Variants in KANSL2 observed in about 807,000 individuals in gnomAD.
KANSL2 encodes the protein NSL complex protein NSL2.
KANSL2 carries 34 observed loss-of-function variants against 55.6 expected under a neutral mutation model. The ratio of observed to expected loss-of-function variants is 0.61; its 90% CI spans 0.46 to 0.81. The LOEUF is 0.81. Among genes scored for constraint, KANSL2 ranks in the 40% least tolerant of loss-of-function variants. The pLI is 0.00. For missense variants in KANSL2, 502 were observed against 609.9 expected, an observed-to-expected ratio of 0.82 and a Z score of 1.86; for synonymous variants, 209 against 214.3, an observed-to-expected ratio of 0.98 and a Z score of 0.22.
chr12:48,663,513 G>A (rs1335924496), intron 7 of KANSL2, among the ~76,000 whole-genome samples: 8 of 151,942 alleles, frequency 5.3e-5, no homozygotes, highest in East Asian at 3.8e-4. Context: ...CTACTTACAC[G>A]TGCATTTTCT....
intron 4 of KANSL2, among the ~76,000 whole-genome samples, chr12:48,672,334 T>C (rs189586202): frequency 1.5e-4 from 22 of 148,882 alleles, no homozygotes; most frequent in Non-Finnish European, 3.0e-4. Context: ...AGTGTTCAAT[T>C]AACATGTATC....
chr12:48,669,802 C>G (rs543545509), intron 5 of KANSL2, among the ~76,000 whole-genome samples: 1 of 152,224 alleles, frequency 6.6e-6, no homozygotes, highest in Non-Finnish European at 1.5e-5. Flanking sequence ...AGCCACCGCA[C>G]CCGGCCAAAG....
chr12:48,679,600 T>G (rs2137206204), intron 3 of KANSL2, 55 bp downstream of exon 3: 2 of 1,476,256 alleles, frequency 1.4e-6, no homozygotes, highest in East Asian at 2.3e-5. Flanking sequence ...TAACCCAAAA[T>G]AGTTCCCCCT....
rs917345490 is a variant in KANSL2 at position 48,672,047 on chromosome 12, T to C, written c.546-85A>G. On this transcript the variant is annotated intron_variant, in intron 4 of 9. Coordinates refer to ENST00000420613, the MANE Select transcript of KANSL2 (RefSeq NM_017822.4). ...GAAAGAGTAGAGATGTCAGACTAAG[T>C]TTGTTATTTAACAAGTGGTGACATA... is the stretch of plus-strand genomic sequence containing the variant. The C allele has an allele frequency of 5.9e-6, 7 of 1,193,546 alleles. No homozygotes were observed. In the Admixed American group the frequency reaches 9.1e-5, roughly 16 times the overall value. 73.9% of individuals were successfully genotyped at this position (1,193,546 alleles called of 1,614,324 possible).
chr12:48,656,611 A>AG, intron 8 of KANSL2: 1 of 125,844 alleles, frequency 7.9e-6, no homozygotes, highest in Non-Finnish European at 1.6e-5. Context: ...TTTGCTCTGT[A>AG]AAAAAAAAAA....
At chr12:48,664,747 G>T (rs534817155) in intron 7 of KANSL2, among the ~76,000 whole-genome samples, 1 of 149,914 alleles carries the variant, frequency 6.7e-6, no homozygotes, top group Non-Finnish European at 1.5e-5. Context: ...TGCCTGGCTA[G>T]TTTTTTTTGT....
At chr12:48,671,091 C>T (rs543065199) in intron 5 of KANSL2, among the ~76,000 whole-genome samples, 1 of 151,790 alleles carries the variant, frequency 6.6e-6, no homozygotes, top group Non-Finnish European at 1.5e-5. Flanking sequence ...ATGGCAAAAC[C>T]CCCCCTCTAC....
rs886350540 is a variant in KANSL2 at position 48,672,584 on chromosome 12, C to T, written c.546-622G>A. ...TAGCTGGGACTACAGGTGTGCACCA[C>T]CCCACTTGGTTAATTTTTGTATTTT... On this transcript the variant is annotated intron_variant, in intron 4 of 9. Coordinates refer to ENST00000420613, the MANE Select transcript of KANSL2 (RefSeq NM_017822.4). Among the ~76,000 whole-genome samples, 13 of 151,340 alleles carry T rather than the reference C, an allele frequency of 8.6e-5. 1 individual carries two copies. The East Asian group carries it at 2.5e-3, about 29-fold the overall frequency.
intron 4 of KANSL2, among the ~76,000 whole-genome samples, chr12:48,677,992 CG>C (rs1939855807): frequency 6.6e-6 from 1 of 152,006 alleles, no homozygotes; most frequent in Non-Finnish European, 1.5e-5. Flanking sequence ...CCCTAACATA[CG>C]GCCATACTAT....
intron 8 of KANSL2, among the ~76,000 whole-genome samples, chr12:48,657,805 C>A (rs1293892891): frequency 6.6e-6 from 1 of 152,116 alleles, no homozygotes; most frequent in Non-Finnish European, 1.5e-5. Flanking sequence ...TTGGTAGAGA[C>A]GGAGTTTCAC....
chr12:48,679,250 A>AAAAAC (rs1410942969), intron 3 of KANSL2, 100 bp from the exon 4 acceptor site: 2 of 849,566 alleles, frequency 2.4e-6, no homozygotes. Flanking sequence ...TTGAAATTTT[A>AAAAAC]AAAACAAAAC....
At chr12:48,668,687 G>A (rs766429097) in intron 6 of KANSL2, among the ~76,000 whole-genome samples, 5 of 152,048 alleles carry the variant, frequency 3.3e-5, no homozygotes, top group Non-Finnish European at 7.4e-5. Flanking sequence ...CAACAAGATT[G>A]AAACTCTGTC....
Position 48,655,018 on chromosome 12 carries a change from G to C in KANSL2, c.1270C>G (p.Pro424Ala), listed in dbSNP as rs760703824. The change falls in exon 9 of 10, where the codon CCT (proline) becomes GCT (alanine). Residue 424 changes from proline (P) to alanine (A), a missense_variant. Physicochemically the swap from Pro to Ala is conservative, Grantham distance 27 (BLOSUM62 -1). Coordinates refer to ENST00000420613, the MANE Select transcript of KANSL2 (RefSeq NM_017822.4). ...VGDGMQCPPS[P>A]LLFDPSLTLE... ...GTTAGTGAAGGATCAAAAAGCAAAGGTGAAGGAGGACACTGCATACCATCA... is the reference window on the plus strand; with the variant it reads ...GTTAGTGAAGGATCAAAAAGCAAAGCTGAAGGAGGACACTGCATACCATCA... 6.3e-7 allele frequency: 1 copy of C among 1,587,128 alleles called. No individual in the cohort carries two copies. The highest frequency in any genetic ancestry group is 1.2e-5 in the South Asian group (1 of 86,510).
intron 4 of KANSL2, 139 bp from the exon 5 acceptor site, chr12:48,672,101 T>C (rs553026966): frequency 3.4e-6 from 2 of 581,480 alleles, no homozygotes; most frequent in Non-Finnish European, 5.5e-6. Context: ...CAAAACATTG[T>C]ACCATTCAAG....
chr12:48,672,384 TATATACATGTA>T (rs1939732181), intron 4 of KANSL2, among the ~76,000 whole-genome samples: 1 of 142,580 alleles, frequency 7.0e-6, no homozygotes, highest in Non-Finnish European at 1.5e-5. Flanking sequence ...TACGTATATA[TATATACATGTA>T]TATATATATA....
Position 48,660,402 on chromosome 12 carries a change from AAGCTCAGC to A in KANSL2, c.1183_1190del (p.Ala395SerfsTer4). The stretch of plus-strand genomic sequence containing the variant: ...CCAGAGGTAAACTCTCAGTGGGCTG[AAGCTCAGC>A]AGCACTCAAGTACAGATCCATGGGG... On this transcript the variant is annotated frameshift_variant, in exon 8 of 10. Transcript: ENST00000420613. LOFTEE classifies it high-confidence loss of function. The A allele has an allele frequency of 6.2e-7, 1 of 1,613,984 alleles. No homozygotes were observed. The highest frequency in any genetic ancestry group is 8.5e-7 in the Non-Finnish European group (1 of 1,179,866).
chr12:48,673,645 G>A (rs1388538736), intron 4 of KANSL2, among the ~76,000 whole-genome samples: 10 of 151,598 alleles, frequency 6.6e-5, no homozygotes, highest in East Asian at 1.9e-4. Flanking sequence ...TCTGATTTAT[G>A]CAATCAAAAT....
chr12:48,674,369 C>G (rs1939782938), intron 4 of KANSL2, among the ~76,000 whole-genome samples: 1 of 152,110 alleles, frequency 6.6e-6, no homozygotes, highest in Non-Finnish European at 1.5e-5. Context: ...AGGCTGGTCT[C>G]AAACTCCTGA....
chr12:48,657,912 C>T (rs1443152477), intron 8 of KANSL2, among the ~76,000 whole-genome samples: 4 of 152,148 alleles, frequency 2.6e-5, no homozygotes, highest in East Asian at 3.9e-4. Context: ...CCACCGCACC[C>T]GGCCCATGTG....
Sources: gnomAD v4.1 joint callset for allele counts (sites outside exome capture counted in the v4.1 genomes callset) on GRCh38, gnomAD v4.1.1 for gene constraint, MANE v1.5 for transcripts, NCBI Gene and HGNC (gene_info 2026-07-23, HGNC 2026-07-21) for gene names.